The following ANOS1 variants were observed in gnomAD, a reference collection of about 807,000 sequenced individuals.
ANOS1 encodes the protein anosmin-1.
Under a neutral mutation model 59.0 loss-of-function variants are expected in ANOS1, and 6 were observed. The observed-to-expected ratio is 0.10, with a 90% confidence interval of 0.06 to 0.20. ANOS1 has a LOEUF of 0.20. Among genes scored for constraint, ANOS1 ranks in the 10% least tolerant of loss-of-function variants. The pLI, the probability that ANOS1 is intolerant of heterozygous loss-of-function variation, is 1.00. For missense variants in ANOS1, 433 were observed against 542.3 expected, an observed-to-expected ratio of 0.80 and a Z score of 2.00; for synonymous variants, 217 against 223.4, an observed-to-expected ratio of 0.97 and a Z score of 0.25.
At chrX:8,608,687 CA>C (rs1399163329) in intron 3 of ANOS1, among the ~76,000 whole-genome samples, 1 of 111,960 alleles carries the variant, frequency 8.9e-6, no homozygotes, top group African/African-American at 3.2e-5. Flanking sequence ...CCATAATCTC[CA>C]TGTGTCAAAG....
intron 2 of ANOS1, among the ~76,000 whole-genome samples, chrX:8,669,648 A>G (rs1432339457): frequency 8.9e-6 from 1 of 111,827 alleles, no homozygotes; most frequent in Non-Finnish European, 1.9e-5. Context: ...TAATATTCTT[A>G]TATACATGAT....
Position 8,626,291 on chromosome X carries a change from T to G in ANOS1, c.256-2621A>C, listed in dbSNP as rs1357290215. ...CCTAGACCATTACTCTTTGGAGTAA[T>G]GTCTCTTTCTTGCTTCATATAAGTG... is the stretch of plus-strand genomic sequence containing the variant. On this transcript the variant is annotated intron_variant, in intron 2 of 13. Transcript: ENST00000262648. Among the ~76,000 whole-genome samples the G allele has an allele frequency of 3.6e-5, 4 of 110,539 alleles. No homozygotes were observed. In the Admixed American group the frequency reaches 3.9e-4, roughly 11 times the overall value.
chrX:8,703,929 T>C (rs977784178), intron 1 of ANOS1, among the ~76,000 whole-genome samples: 7 of 112,100 alleles, frequency 6.2e-5, no homozygotes, highest in Non-Finnish European at 1.3e-4. Context: ...GGTTTGGTTG[T>C]GTTCCCACCC....
intron 10 of ANOS1, among the ~76,000 whole-genome samples, chrX:8,538,717 G>C (rs1213575237): frequency 4.5e-5 from 5 of 112,041 alleles, no homozygotes; most frequent in African/African-American, 1.6e-4. Flanking sequence ...CACAAACATT[G>C]GAGCTAATTT....
At chrX:8,596,682 C>A (rs1432842326) in intron 4 of ANOS1, among the ~76,000 whole-genome samples, 1 of 111,530 alleles carries the variant, frequency 9.0e-6, no homozygotes, top group African/African-American at 3.3e-5. Flanking sequence ...CATCTCCCAG[C>A]CTATTTTCTA....
intron 3 of ANOS1, among the ~76,000 whole-genome samples, chrX:8,619,547 T>G (rs113273077): frequency 0.049 from 5,465 of 111,058 alleles, 326 homozygotes; most frequent in African/African-American, 0.17. Context: ...GAGGTTGCAG[T>G]AAGCTGAGAT....
Position 8,588,101 on chromosome X carries a change from A to C in ANOS1, c.542-123T>G, listed in dbSNP as rs987414746. 4.5e-6 allele frequency: 3 copies of C among 661,311 alleles called. No individual in the cohort carries two copies. In the African/African-American group the frequency reaches 6.5e-5, roughly 14 times the overall value. The allele number at this position is 661,311 out of a possible 1,213,427, so 54.5% of individuals were successfully genotyped here. Reference sequence around the variant, plus strand: ...ATGACAACTGAGATTTCCTTTCATAAAAGTGGCCTCTCCATACAGGGTTTC... The same window carrying C: ...ATGACAACTGAGATTTCCTTTCATACAAGTGGCCTCTCCATACAGGGTTTC... On this transcript the variant is annotated intron_variant, in intron 4 of 13. Transcript: ENST00000262648.
In ANOS1 at chrX:8,725,667, GAT is replaced by G. The variant is rs1278419164; in HGVS notation, c.207+6161_207+6162del. Among the ~76,000 whole-genome samples the G allele has an allele frequency of 1.0e-3, 33 of 31,706 alleles. 2 individuals carry two copies. Among genetic ancestry groups the G allele is most frequent in the African/African-American group, 9.6e-3 (29 of 3,023 alleles). The allele number at this position is 31,706 out of a possible 115,157, so 27.5% of individuals were successfully genotyped here. On this transcript the variant is annotated intron_variant, in intron 1 of 13. Coordinates refer to ENST00000262648, the MANE Select transcript of ANOS1 (RefSeq NM_000216.4). ...ATATATACAGATATATATATATACA[GAT>G]ATATATATACAGATATATATATATA...
chrX:8,668,309 C>T (rs1023141390), intron 2 of ANOS1, among the ~76,000 whole-genome samples: 1 of 104,222 alleles, frequency 9.6e-6, no homozygotes, highest in African/African-American at 3.5e-5. Flanking sequence ...TGAGTTACTT[C>T]ACTTAGAATA....
chrX:8,597,558 A>T (rs184891579), intron 3 of ANOS1, among the ~76,000 whole-genome samples: 1 of 106,546 alleles, frequency 9.4e-6, no homozygotes. Context: ...AAAAAAACTG[A>T]TTATAGTCAC....
chrX:8,579,638 T>G (rs1247375212), intron 6 of ANOS1, among the ~76,000 whole-genome samples: 4 of 111,516 alleles, frequency 3.6e-5, no homozygotes, highest in Non-Finnish European at 7.5e-5. Context: ...CTAGGCTGTT[T>G]CAGGGCACAC....
intron 8 of ANOS1, among the ~76,000 whole-genome samples, chrX:8,558,579 A>G (rs1468749547): frequency 1.8e-5 from 2 of 111,769 alleles, no homozygotes; most frequent in Non-Finnish European, 3.8e-5. Flanking sequence ...AATATTTCTC[A>G]TTATAGATTT....
chrX:8,694,152 G>A (rs1242750117), intron 2 of ANOS1, among the ~76,000 whole-genome samples: 1 of 111,599 alleles, frequency 9.0e-6, no homozygotes, highest in Non-Finnish European at 1.9e-5. Context: ...TAGGGCCTAG[G>A]GCATAGTAGA....
In ANOS1 at chrX:8,529,338, A is replaced by G. The variant is rs1340027137; in HGVS notation, c.*3657T>C. On this transcript the variant is annotated 3_prime_UTR_variant, in exon 14 of 14. Transcript: ENST00000262648. ...AGTCAACATCTTTATATATCTGTTT[A>G]TATTTTATAATAAACTTTAAAGTAC... 1 of 112,059 alleles carries G rather than the reference A, an allele frequency of 8.9e-6. No homozygotes were observed. The highest frequency in any genetic ancestry group is 1.9e-5 in the Non-Finnish European group (1 of 53,232). 9.2% of individuals were successfully genotyped at this position (112,059 alleles called of 1,213,427 possible). A position where few individuals can be genotyped will look rare whatever the true frequency, so the allele number is the denominator to read the frequency against.
chrX:8,589,224 T>C (rs1930573920), intron 4 of ANOS1, among the ~76,000 whole-genome samples: 1 of 112,174 alleles, frequency 8.9e-6, no homozygotes, highest in Non-Finnish European at 1.9e-5. Context: ...TCAAAAGTCA[T>C]TAATCTAAAA....
intron 2 of ANOS1, among the ~76,000 whole-genome samples, chrX:8,669,237 A>G (rs1447829154): frequency 8.9e-6 from 1 of 111,973 alleles, no homozygotes; most frequent in Non-Finnish European, 1.9e-5. Flanking sequence ...TGGGAGAAGG[A>G]TGACCAGGCA....
At chrX:8,601,847 C>T (rs1363154040) in intron 3 of ANOS1, among the ~76,000 whole-genome samples, 4 of 112,257 alleles carry the variant, frequency 3.6e-5, no homozygotes, top group Non-Finnish European at 1.9e-5. Flanking sequence ...TCTTTTATCA[C>T]TGCTACAAGT....
At chrX:8,720,335 G>A (rs937288668) in intron 1 of ANOS1, among the ~76,000 whole-genome samples, 3 of 111,132 alleles carry the variant, frequency 2.7e-5, no homozygotes, top group Non-Finnish European at 5.6e-5. Context: ...CTGTGATGTC[G>A]AGGACTCCAG....
chrX:8,667,816 A>G (rs1932174707), intron 2 of ANOS1, among the ~76,000 whole-genome samples: 1 of 111,138 alleles, frequency 9.0e-6, no homozygotes, highest in Non-Finnish European at 1.9e-5. Context: ...CTGGCCGAGA[A>G]GGGTAAGAGT....
Sources: allele counts gnomAD v4.1 joint callset (sites outside exome capture counted in the v4.1 genomes callset), GRCh38; gene constraint gnomAD v4.1.1; transcripts MANE v1.5; gene names NCBI Gene and HGNC (gene_info 2026-07-23, HGNC 2026-07-21).